The following PCDHGA4 variants were observed in gnomAD, a reference collection of about 807,000 sequenced individuals.
PCDHGA4 encodes the protein protocadherin gamma-A4.
Under a neutral mutation model 54.6 loss-of-function variants are expected in PCDHGA4, and 38 were observed. That is an observed-to-expected ratio of 0.70 (90% CI 0.54 to 0.91). PCDHGA4 has a LOEUF of 0.91. Ranked by LOEUF, PCDHGA4 falls within the 40% of genes least tolerant of loss-of-function variation. PCDHGA4 has a pLI of 0.00. For synonymous variants in PCDHGA4, 511 were observed against 512.9 expected, an observed-to-expected ratio of 1.00 and a Z score of 0.05; for missense variants, 1,298 against 1,220.9, an observed-to-expected ratio of 1.06 and a Z score of -0.94.
At position 141,431,747 on chromosome 5, in the gene PCDHGA4, C is replaced by T. The variant is rs371020840; in HGVS notation, c.2515-63060C>T. The T allele has an allele frequency of 5.0e-6, 8 of 1,614,064 alleles. No individual in the cohort carries two copies. In the Admixed American group the frequency reaches 5.0e-5, roughly 10 times the overall value. On this transcript the variant is annotated intron_variant, in intron 1 of 3. Transcript: ENST00000571252. This position sits in a 1 kb window ranked among gnomAD's most constrained non-coding sequence, Gnocchi z 4.8. ...AATGGATAATGCAGGATATTCTGCG[C>T]GAGCCAAAGTCCTGATCACTGTTCT...
intron 1 of PCDHGA4, chr5:141,394,346 C>T: frequency 1.2e-6 from 2 of 1,614,156 alleles, no homozygotes; most frequent in Non-Finnish European, 1.7e-6. Context: ...ACTCTGACAC[C>T]GGTGTCCTGT....
chr5:141,371,232 G>C, intron 1 of PCDHGA4: 4 of 1,614,036 alleles, frequency 2.5e-6, no homozygotes, highest in Non-Finnish European at 3.4e-6. Flanking sequence ...AATCATCTAT[G>C]CCTTCATCAA....
chr5:141,360,767 T>C (rs535475793), intron 1 of PCDHGA4: 8 of 1,613,940 alleles, frequency 5.0e-6, no homozygotes, highest in Non-Finnish European at 6.8e-6. Flanking sequence ...CATCAATTGG[T>C]CCTCACAGCT....
intron 1 of PCDHGA4, among the ~76,000 whole-genome samples, chr5:141,449,339 G>T (rs1307731679): frequency 6.6e-6 from 1 of 151,930 alleles, no homozygotes; most frequent in Non-Finnish European, 1.5e-5. Context: ...AGGTGCAGTG[G>T]CTCACTCCTG....
In PCDHGA4 at chr5:141,378,437, C is replaced by T. The variant is rs146402003; in HGVS notation, c.2514+20816C>T. ...ACTCGGGAGGCTGAGGCAGGAGAAT[C>T]GCTTGAACCCATGAGGCAGAGGTTG... On this transcript the variant is annotated intron_variant, in intron 1 of 3. Transcript: ENST00000571252. 592 of 152,418 alleles carry T rather than the reference C, an allele frequency of 3.9e-3. 6 individuals are homozygous for T. The highest frequency in any genetic ancestry group is 0.011 in the Admixed American group (171 of 15,310). The allele number at this position is 152,418 out of a possible 1,614,324, so 9.4% of individuals were successfully genotyped here.
chr5:141,419,744 G>C (rs760207269), intron 1 of PCDHGA4: 1 of 1,613,896 alleles, frequency 6.2e-7, no homozygotes, highest in Non-Finnish European at 8.5e-7. Context: ...GGTGCGCATG[G>C]TGCGTGCTTT....
chr5:141,456,701 G>A lies in PCDHGA4; in HGVS notation c.2515-38106G>A, dbSNP rs370086323. ...CATTACTGGCCAGGCGTGGTGGCTC[G>A]CGCCTGTAATCCCAGCACTTTGGGA... On this transcript the variant is annotated intron_variant, in intron 1 of 3. Transcript: ENST00000571252. 2.3e-4 allele frequency among the ~76,000 whole-genome samples: 35 copies of A among 152,106 alleles called. No homozygotes were observed. The South Asian group carries it at 4.8e-3, about 21-fold the overall frequency.
chr5:141,432,746 G>T lies in PCDHGA4; in HGVS notation c.2515-62061G>T, dbSNP rs772043134. The T allele has an allele frequency of 6.2e-7, 1 of 1,614,098 alleles. No individual in the cohort carries two copies. Among genetic ancestry groups the T allele is most frequent in the Non-Finnish European group, 8.5e-7 (1 of 1,179,992 alleles). Reference sequence around the variant, plus strand: ...CTCCGCCACTGTCACGCTCACCGTGGCCGTGGCCGACAGCATCCCCCAAGT... The same window carrying T: ...CTCCGCCACTGTCACGCTCACCGTGTCCGTGGCCGACAGCATCCCCCAAGT... On this transcript the variant is annotated intron_variant, in intron 1 of 3. Transcript: ENST00000571252. This position sits in a 1 kb window ranked among gnomAD's most constrained non-coding sequence, Gnocchi z 6.0.
rs114669158 is a variant in PCDHGA4 at position 141,511,003 on chromosome 5, G to A, written c.2719G>A (p.Ala907Thr). The change falls in exon 4 of 4, where the codon GCC (alanine) becomes ACC (threonine). Residue 907 changes from alanine to threonine, a missense_variant. Physicochemically the swap from Ala to Thr is moderately conservative, Grantham distance 58 (BLOSUM62 0). Coordinates refer to ENST00000571252, the MANE Select transcript of PCDHGA4 (RefSeq NM_018917.4). Reference protein sequence around the residue: ...GGGAGTMGLSARYGPQFTLQH... With the variant: ...GGGAGTMGLSTRYGPQFTLQH... ...GGGTGCCGGCACCATGGGATTGAGCGCCCGCTACGGACCCCAGTTCACCCT... is the reference window on the plus strand; with the variant it reads ...GGGTGCCGGCACCATGGGATTGAGCACCCGCTACGGACCCCAGTTCACCCT... The A allele has an allele frequency of 1.0e-4, 163 of 1,614,148 alleles. 1 individual carries two copies. The highest frequency in any genetic ancestry group is 9.5e-5 in the Non-Finnish European group (112 of 1,180,012).
intron 1 of PCDHGA4, among the ~76,000 whole-genome samples, chr5:141,434,054 C>T (rs1241950753): frequency 6.6e-6 from 1 of 152,094 alleles, no homozygotes; most frequent in Non-Finnish European, 1.5e-5. Flanking sequence ...ATTCAATGGC[C>T]TGTAATCTGT....
At position 141,487,148 on chromosome 5, in the gene PCDHGA4, G is replaced by A; in HGVS notation, c.2515-7659G>A. ...TGGTAGTCCACCACTCTCTACCTCT[G>A]TTACTCTCTTAGTGTCCTTAGAGGA... On this transcript the variant is annotated intron_variant, in intron 1 of 3. Transcript: ENST00000571252. This position sits in a 1 kb window ranked among gnomAD's most constrained non-coding sequence, Gnocchi z 5.0. The A allele has an allele frequency of 6.2e-7, 1 of 1,614,042 alleles. No homozygotes were observed. The highest frequency in any genetic ancestry group is 8.5e-7 in the Non-Finnish European group (1 of 1,179,922).
chr5:141,383,057 G>A (rs1778763110), intron 1 of PCDHGA4: 2 of 1,613,902 alleles, frequency 1.2e-6, no homozygotes, highest in Non-Finnish European at 1.7e-6. Context: ...AAGGACCTGG[G>A]GCTGGAGCCC....
chr5:141,448,945 A>G (rs1288079348), intron 1 of PCDHGA4, among the ~76,000 whole-genome samples: 1 of 151,716 alleles, frequency 6.6e-6, no homozygotes, highest in Non-Finnish European at 1.5e-5. Context: ...ACTGCAACTC[A>G]AAAAAACAAA....
intron 1 of PCDHGA4, chr5:141,366,310 C>A: frequency 6.2e-7 from 1 of 1,613,772 alleles, no homozygotes; most frequent in East Asian, 2.2e-5. Flanking sequence ...CCTTCACGGT[C>A]ACCGTTGCCG....
intron 1 of PCDHGA4, chr5:141,385,092 C>T (rs778613931): frequency 1.9e-6 from 3 of 1,614,210 alleles, no homozygotes; most frequent in Admixed American, 3.3e-5. Context: ...CAGAAGGTGG[C>T]TTGGCGAACG....
Position 141,511,403 on chromosome 5 carries a change from AC to A in PCDHGA4, c.*231del. ...TCCGCTGGGAACCCCCATCCAATCA[AC>A]TGCTGTACCCATGGGGGTAGTGGGG... is the stretch of plus-strand genomic sequence containing the variant. On this transcript the variant is annotated 3_prime_UTR_variant, in exon 4 of 4. Coordinates refer to ENST00000571252, the MANE Select transcript of PCDHGA4 (RefSeq NM_018917.4). 1.1e-6 allele frequency: 1 copy of A among 939,022 alleles called. No homozygotes were observed. The highest frequency in any genetic ancestry group is 1.5e-6 in the Non-Finnish European group (1 of 650,838). The allele number at this position is 939,022 out of a possible 1,614,324, so 58.2% of individuals were successfully genotyped here. A position where few individuals can be genotyped will look rare whatever the true frequency, so the allele number is the denominator to read the frequency against.
At chr5:141,479,391 T>G (rs2099494461) in intron 1 of PCDHGA4, 1 of 152,266 alleles carries the variant, frequency 6.6e-6, no homozygotes, top group Non-Finnish European at 1.5e-5. Flanking sequence ...AGCCCAGGAG[T>G]TCTGGGCTGT....
chr5:141,417,236 A>T (rs1387216221), intron 1 of PCDHGA4: 2 of 152,220 alleles, frequency 1.3e-5, no homozygotes, highest in Admixed American at 1.3e-4. Flanking sequence ...TTTGTTGCTT[A>T]TCTTCAGTAC....
chr5:141,436,931 G>A (rs1026520169), intron 1 of PCDHGA4, among the ~76,000 whole-genome samples: 1 of 152,114 alleles, frequency 6.6e-6, no homozygotes, highest in Non-Finnish European at 1.5e-5. Context: ...CTTTTTCTTT[G>A]TCTGAACCAT....
Sources: gnomAD v4.1 joint callset for allele counts (sites outside exome capture counted in the v4.1 genomes callset) on GRCh38, gnomAD v4.1.1 for gene constraint, Gnocchi (gnomAD v3.1) non-coding constraint, MANE v1.5 for transcripts, NCBI Gene and HGNC (gene_info 2026-07-23, HGNC 2026-07-21) for gene names.